The following PLOD2 variants were observed in gnomAD, a reference collection of about 807,000 sequenced individuals.
The protein encoded by PLOD2 is lysine hydroxylase 2.
In PLOD2, 65 loss-of-function variants were observed where a neutral mutation model predicts 101.0. The observed-to-expected ratio is 0.64, with a 90% CI of 0.53 to 0.79. The LOEUF is 0.79. PLOD2 is among the 30% of genes least tolerant of loss of function. PLOD2 has a pLI of 0.00. For synonymous variants in PLOD2, 314 were observed against 302.9 expected (o/e 1.04, Z -0.38); for missense variants, 909 against 914.6 (o/e 0.99, Z 0.08).
intron 2 of PLOD2, among the ~76,000 whole-genome samples, chr3:146,122,139 C>T (rs925989434): frequency 4.6e-5 from 7 of 152,116 alleles, no homozygotes; most frequent in African/African-American, 1.4e-4. Context: ...AATACTGAGC[C>T]GGAGATAAAT....
At chr3:146,118,691 G>A (rs1478879008) in intron 3 of PLOD2, among the ~76,000 whole-genome samples, 1 of 151,862 alleles carries the variant, frequency 6.6e-6, no homozygotes, top group East Asian at 1.9e-4. Context: ...TAAGAAGATG[G>A]CAAAAAAGAG....
chr3:146,105,585 G>C (rs909356316), intron 5 of PLOD2, among the ~76,000 whole-genome samples: 2 of 152,182 alleles, frequency 1.3e-5, no homozygotes, highest in Admixed American at 1.3e-4. Flanking sequence ...ACTGTCTTTT[G>C]AGTGGCTTTA....
At chr3:146,119,401 G>C (rs1027893113) in intron 3 of PLOD2, among the ~76,000 whole-genome samples, 4 of 151,946 alleles carry the variant, frequency 2.6e-5, no homozygotes, top group Non-Finnish European at 5.9e-5. Context: ...CACAAGAACT[G>C]ATTAATACAA....
intron 15 of PLOD2, among the ~76,000 whole-genome samples, chr3:146,074,357 A>G (rs953281085): frequency 1.3e-5 from 2 of 151,534 alleles, no homozygotes; most frequent in Non-Finnish European, 3.0e-5. Flanking sequence ...AATAATTCCA[A>G]TCAAAAGATG....
intron 1 of PLOD2, among the ~76,000 whole-genome samples, chr3:146,142,307 T>C (rs2031561741): frequency 6.6e-6 from 1 of 152,070 alleles, no homozygotes; most frequent in South Asian, 2.1e-4. Flanking sequence ...TTAATAGAAA[T>C]TTATGTAATC....
At position 146,071,525 on chromosome 3, in the gene PLOD2, A is replaced by G. The variant is rs181949534; in HGVS notation, c.1849-102T>C. ...CCACAGATCATAATAGACAATAAAA[A>G]TAACAGTTGTTCCAATGTGGTATAT... On this transcript the variant is annotated intron_variant, in intron 17 of 19. Coordinates refer to ENST00000282903, the MANE Select transcript of PLOD2 (RefSeq NM_182943.3). The G allele has an allele frequency of 1.2e-4, 134 of 1,118,604 alleles. 1 individual carries two copies. In the Admixed American group the frequency reaches 2.3e-3, roughly 19 times the overall value. The allele number at this position is 1,118,604 out of a possible 1,614,324, so 69.3% of individuals were successfully genotyped here.
At chr3:146,129,035 T>G (rs980266232) in intron 1 of PLOD2, among the ~76,000 whole-genome samples, 3 of 151,908 alleles carry the variant, frequency 2.0e-5, no homozygotes, top group Non-Finnish European at 2.9e-5. Flanking sequence ...GTTCTTAATT[T>G]TAAACTGGCA....
At chr3:146,077,558 T>G (rs1379650879) in intron 14 of PLOD2, 1 of 266,026 alleles carries the variant, frequency 3.8e-6, no homozygotes, top group Non-Finnish European at 7.1e-6. Flanking sequence ...TTATACCTAC[T>G]TCTACCCTCT....
chr3:146,150,702 G>T (rs7641322), intron 1 of PLOD2, among the ~76,000 whole-genome samples: 84,346 of 151,784 alleles, frequency 0.56, 23,613 homozygotes, highest in African/African-American at 0.61. Context: ...GTAACAAACC[G>T]TCACATGTAC....
intron 1 of PLOD2, among the ~76,000 whole-genome samples, chr3:146,151,453 C>T (rs112455653): frequency 0.22 from 33,182 of 151,752 alleles, 3,729 homozygotes; most frequent in South Asian, 0.27. Flanking sequence ...GCCAAGATCG[C>T]GCCATTGCAC....
intron 3 of PLOD2, among the ~76,000 whole-genome samples, chr3:146,120,585 A>G (rs2030048551): frequency 6.6e-6 from 1 of 152,216 alleles, no homozygotes; most frequent in African/African-American, 2.4e-5. Context: ...TAAAACACCA[A>G]AAGTAATGGC....
intron 1 of PLOD2, among the ~76,000 whole-genome samples, chr3:146,154,050 T>C (rs2032191246): frequency 1.3e-5 from 2 of 152,130 alleles, no homozygotes; most frequent in Admixed American, 1.3e-4. Context: ...AAAGCAATAT[T>C]AAAATCAATA....
chr3:146,158,933 G>A (rs555764386), intron 1 of PLOD2, among the ~76,000 whole-genome samples: 2 of 152,252 alleles, frequency 1.3e-5, no homozygotes, highest in East Asian at 3.9e-4. Flanking sequence ...TCCTATAGAA[G>A]ATCTTGATAT....
rs181556405 is a variant in PLOD2, at chr3:146,088,103, G to T, written c.1005+483C>A. Among the ~76,000 whole-genome samples the T allele has an allele frequency of 7.9e-5, 12 of 151,752 alleles. No individual in the cohort carries two copies. In the East Asian group the frequency reaches 1.9e-3, roughly 24 times the overall value. ...ATGTAGGAGGTATGTAGGGGGCTCT[G>T]AATATTTTTGAAGAAAATGACAGTA... On this transcript the variant is annotated intron_variant, in intron 9 of 19. Coordinates refer to ENST00000282903, the MANE Select transcript of PLOD2 (RefSeq NM_182943.3).
chr3:146,146,644 C>G (rs2031795335), intron 1 of PLOD2, among the ~76,000 whole-genome samples: 1 of 152,170 alleles, frequency 6.6e-6, no homozygotes. Context: ...TCAACAGAGA[C>G]AGCTTCTCCA....
intron 10 of PLOD2, chr3:146,086,532 T>C (rs1310976861): frequency 4.5e-6 from 1 of 223,380 alleles, no homozygotes; most frequent in African/African-American, 2.3e-5. Context: ...TAAAAAAAAT[T>C]GATCTTACCT....
intron 1 of PLOD2, among the ~76,000 whole-genome samples, chr3:146,133,153 G>A (rs1477763661): frequency 6.6e-6 from 1 of 152,154 alleles, no homozygotes; most frequent in Non-Finnish European, 1.5e-5. Context: ...TCCGGCCTGG[G>A]CGACAGAGCA....
chr3:146,155,834 T>G (rs1196459698), intron 1 of PLOD2, among the ~76,000 whole-genome samples: 3 of 152,116 alleles, frequency 2.0e-5, no homozygotes, highest in Admixed American at 6.6e-5. Flanking sequence ...GAATATGTCA[T>G]TTTAAAAGCC....
chr3:146,094,182 T>C (rs575477528), intron 7 of PLOD2, among the ~76,000 whole-genome samples: 1 of 152,238 alleles, frequency 6.6e-6, no homozygotes, highest in Non-Finnish European at 1.5e-5. Context: ...CCAAGTATGA[T>C]GTCATTTTCA....
Sources: gnomAD v4.1 joint callset for allele counts (sites outside exome capture counted in the v4.1 genomes callset) on GRCh38, gnomAD v4.1.1 for gene constraint, MANE v1.5 for transcripts, NCBI Gene and HGNC (gene_info 2026-07-23, HGNC 2026-07-21) for gene names.